SUSD4: variants seen among roughly 807,000 people sequenced by gnomAD.
The protein encoded by SUSD4 is sushi domain containing 4.
In SUSD4, 41 loss-of-function variants were observed where a neutral mutation model predicts 50.5. That is an observed-to-expected ratio of 0.81 (90% confidence interval 0.63 to 1.05). The LOEUF (loss-of-function observed/expected upper bound fraction) is 1.05, where lower values mean the gene tolerates loss of function less well. Ranked by LOEUF, SUSD4 falls within the 50% of genes least tolerant of loss-of-function variation. SUSD4 has a pLI of 0.00. For missense variants in SUSD4, 580 were observed against 634.7 expected, an observed-to-expected ratio of 0.91 and a Z score of 0.93; for synonymous variants, 257 against 257.3, an observed-to-expected ratio of 1.00 and a Z score of 0.01.
intron 5 of SUSD4, among the ~76,000 whole-genome samples, chr1:223,243,584 C>T (rs1342086442): frequency 6.6e-6 from 1 of 152,260 alleles, no homozygotes; most frequent in Non-Finnish European, 1.5e-5. Flanking sequence ...GCCGCAGAAG[C>T]CCATGCTGTC....
chr1:223,322,747 T>C (rs1666651809), intron 2 of SUSD4, among the ~76,000 whole-genome samples: 1 of 152,186 alleles, frequency 6.6e-6, no homozygotes, highest in Admixed American at 6.5e-5. Flanking sequence ...TTCACCAAAT[T>C]ATCTTGAAAT....
chr1:223,284,093 A>C (rs201066927), intron 3 of SUSD4, among the ~76,000 whole-genome samples: 1 of 29,602 alleles, frequency 3.4e-5, no homozygotes, highest in South Asian at 1.5e-3. Flanking sequence ...GGATAGGGGG[A>C]GGGGGGAGGG....
At chr1:223,294,550 C>T (rs573344187) in intron 2 of SUSD4, among the ~76,000 whole-genome samples, 2 of 152,174 alleles carry the variant, frequency 1.3e-5, no homozygotes, top group African/African-American at 4.8e-5. Context: ...GCACAGGAGG[C>T]ATGGCACTGG....
chr1:223,291,097 C>T (rs1027013653), intron 3 of SUSD4, among the ~76,000 whole-genome samples: 5 of 151,998 alleles, frequency 3.3e-5, no homozygotes, highest in Admixed American at 6.6e-5. Context: ...TTTTCTTATA[C>T]CTTGAAAATA....
At chr1:223,255,058 T>C (rs189738143) in intron 5 of SUSD4, among the ~76,000 whole-genome samples, 1 of 152,320 alleles carries the variant, frequency 6.6e-6, no homozygotes, top group Admixed American at 6.5e-5. Context: ...GGATTTTCAC[T>C]GCCAGGGAAC....
At chr1:223,312,973 A>G (rs1202026442) in intron 2 of SUSD4, among the ~76,000 whole-genome samples, 7 of 152,236 alleles carry the variant, frequency 4.6e-5, no homozygotes, top group African/African-American at 1.7e-4. Context: ...CAAAGAGTCA[A>G]TAGAGCTCCA....
At position 223,221,147 on chromosome 1, in the gene SUSD4, C is replaced by G; in HGVS notation, c.*1045G>C. 2.5e-6 allele frequency: 1 copy of G among 400,834 alleles called. No homozygotes were observed. 24.8% of individuals were successfully genotyped at this position (400,834 alleles called of 1,614,324 possible). ...TGAGCTATCTGGGCTGGGAGGCCAG[C>G]CTCCTGGAATCTTAGGACAAATAAA... On this transcript the variant is annotated 3_prime_UTR_variant, in exon 9 of 9. Transcript: ENST00000366878.
chr1:223,284,916 G>A (rs563498654), intron 3 of SUSD4, among the ~76,000 whole-genome samples: 3 of 152,156 alleles, frequency 2.0e-5, no homozygotes, highest in African/African-American at 7.2e-5. Flanking sequence ...GTCACAGATA[G>A]ATAGGAGGAA....
chr1:223,223,154 C>T, intron 8 of SUSD4, 95 bp downstream of exon 8: 1 of 1,473,312 alleles, frequency 6.8e-7, no homozygotes, highest in Non-Finnish European at 9.0e-7. Flanking sequence ...CGACTCTGTG[C>T]TGGGGGGTGG....
intron 3 of SUSD4, among the ~76,000 whole-genome samples, chr1:223,272,511 C>A (rs1662987642): frequency 6.6e-6 from 1 of 152,130 alleles, no homozygotes; most frequent in Admixed American, 6.5e-5. Context: ...AGGGATGGAG[C>A]AGAAATAGTA....
intron 1 of SUSD4, chr1:223,363,755 G>C (rs1015435000): frequency 1.5e-5 from 4 of 261,754 alleles, no homozygotes; most frequent in Non-Finnish European, 2.9e-5. Flanking sequence ...CAGCAGCTGT[G>C]CCCACCACAG....
At chr1:223,325,711 C>T (rs748283707) in intron 2 of SUSD4, among the ~76,000 whole-genome samples, 1 of 152,186 alleles carries the variant, frequency 6.6e-6, no homozygotes, top group Non-Finnish European at 1.5e-5. Context: ...ATCAGTAGCA[C>T]TGCTATACAC....
rs541635619 is a variant in SUSD4 at position 223,299,741 on chromosome 1, T to G, written c.149-7090A>C. On this transcript the variant is annotated intron_variant, in intron 2 of 8. Coordinates refer to ENST00000366878, the MANE Select transcript of SUSD4 (RefSeq NM_017982.4). ...TCATCCAATTTGTCCAATGCCTGAA[T>G]AGAACAAATAGCTGAGTAAGGGAGA... Among the ~76,000 whole-genome samples, 7 of 152,280 alleles carry G rather than the reference T, an allele frequency of 4.6e-5. 1 individual carries two copies. The highest frequency in any genetic ancestry group is 1.7e-4 in the African/African-American group (7 of 41,570).
intron 2 of SUSD4, among the ~76,000 whole-genome samples, chr1:223,314,174 AC>A (rs1228525199): frequency 6.6e-6 from 1 of 152,044 alleles, no homozygotes; most frequent in African/African-American, 2.4e-5. Context: ...TAACAGCTTT[AC>A]CATCACGTAG....
Position 223,227,525 on chromosome 1 carries a change from C to T in SUSD4, c.1061+69G>A, listed in dbSNP as rs1257509478. On this transcript the variant is annotated intron_variant, in intron 7 of 8. Transcript: ENST00000366878. The surrounding 1 kb of genome is among the most constrained non-coding windows in gnomAD (Gnocchi z 4.5). Reference sequence around the variant, plus strand: ...TTCAACTTTTCACTCATCACTTTCTCCCTCTGCTGCTAAGGGTAGCTGCAT... The same window carrying T: ...TTCAACTTTTCACTCATCACTTTCTTCCTCTGCTGCTAAGGGTAGCTGCAT... 6.4e-7 allele frequency: 1 copy of T among 1,565,894 alleles called. No homozygotes were observed. Among genetic ancestry groups the T allele is most frequent in the African/African-American group, 1.3e-5 (1 of 74,184 alleles).
chr1:223,329,602 A>G (rs1226788527), intron 2 of SUSD4, among the ~76,000 whole-genome samples: 6 of 152,200 alleles, frequency 3.9e-5, no homozygotes, highest in African/African-American at 1.4e-4. Context: ...CTGCATCCCT[A>G]AAGTTCTTAC....
chr1:223,229,285 A>G lies in SUSD4; in HGVS notation c.828T>C (p.Pro276=), dbSNP rs1308028333. The part of the protein sequence containing the change: ...HGTVVEFYCD[P]GYSLTSDYKY... ...TGTAGTCGCTGGTGAGGCTGTAGCC[A>G]GGATCGCAGTAAAACTCCACCACAG... is the stretch of plus-strand genomic sequence containing the variant. The change falls in exon 6 of 9, where the codon CCT becomes CCC. Residue 276 remains proline, a synonymous_variant. Coordinates refer to ENST00000366878, the MANE Select transcript of SUSD4 (RefSeq NM_017982.4). This position sits in a 1 kb window ranked among gnomAD's most constrained non-coding sequence, Gnocchi z 4.7. 6.8e-6 allele frequency: 11 copies of G among 1,613,396 alleles called. No homozygotes were observed. Among genetic ancestry groups the G allele is most frequent in the Non-Finnish European group, 8.5e-6 (10 of 1,179,500 alleles).
intron 5 of SUSD4, among the ~76,000 whole-genome samples, chr1:223,251,876 A>G (rs1013396774): frequency 2.6e-5 from 4 of 152,084 alleles, no homozygotes; most frequent in Admixed American, 2.0e-4. Context: ...CCAACAGTGT[A>G]AAAGTGTTCC....
rs138417747 is a variant in SUSD4 at position 223,269,482 on chromosome 1, G to A, written c.362-807C>T. On this transcript the variant is annotated intron_variant, in intron 3 of 8. Coordinates refer to ENST00000366878, the MANE Select transcript of SUSD4 (RefSeq NM_017982.4). ...CAACTGCATCTACTTCCAGTTCACTGTGCAGGCCACGCCACCCCTTGCTGC... is the reference window on the plus strand; with the variant it reads ...CAACTGCATCTACTTCCAGTTCACTATGCAGGCCACGCCACCCCTTGCTGC... Among the ~76,000 whole-genome samples, 8 of 152,290 alleles carry A rather than the reference G, an allele frequency of 5.3e-5. No individual in the cohort carries two copies. The East Asian group carries it at 1.5e-3, about 29-fold the overall frequency.
Sources: allele counts gnomAD v4.1 joint callset (sites outside exome capture counted in the v4.1 genomes callset), GRCh38; gene constraint gnomAD v4.1.1; non-coding constraint Gnocchi (gnomAD v3.1); transcripts MANE v1.5; gene names NCBI Gene and HGNC (gene_info 2026-07-23, HGNC 2026-07-21).